Variants in ALPK2 observed in about 807,000 individuals in gnomAD.
ALPK2 encodes alpha kinase 2.
In ALPK2, 127 loss-of-function variants were observed where a neutral mutation model predicts 163.1. That is an observed-to-expected ratio of 0.78 (90% confidence interval 0.67 to 0.90). ALPK2 has a LOEUF of 0.90. Ranked by LOEUF, ALPK2 falls within the 40% of genes least tolerant of loss-of-function variation. ALPK2 has a pLI of 0.00. For synonymous variants in ALPK2, 953 were observed against 959.1 expected, an observed-to-expected ratio of 0.99 and a Z score of 0.12; for missense variants, 2,360 against 2,589.6, an observed-to-expected ratio of 0.91 and a Z score of 1.92.
chr18:58,611,996 TC>T (rs2052134941), intron 1 of ALPK2, among the ~76,000 whole-genome samples, 179 bp from the exon 2 acceptor site: 1 of 152,146 alleles, frequency 6.6e-6, no homozygotes, highest in African/African-American at 2.4e-5. Context: ...GTGGGCTGGA[TC>T]CTTCTGTATT....
In ALPK2 at chr18:58,610,387, G is replaced by A. The variant is rs944270278; in HGVS notation, c.109+1302C>T. 4.0e-5 allele frequency among the ~76,000 whole-genome samples: 6 copies of A among 149,288 alleles called. No homozygotes were observed. The East Asian group carries it at 1.2e-3, about 30-fold the overall frequency. ...AAGGGTAGAGACATAATCCAAAAAA[G>A]AAAAGAGAACCACCCATGAGGTACA... On this transcript the variant is annotated intron_variant, in intron 2 of 12. Coordinates refer to ENST00000361673, the MANE Select transcript of ALPK2 (RefSeq NM_052947.4).
chr18:58,572,618 C>T (rs11152085), intron 4 of ALPK2, among the ~76,000 whole-genome samples: 2 of 151,958 alleles, frequency 1.3e-5, no homozygotes, highest in Non-Finnish European at 2.9e-5. Context: ...AACTCAAAAA[C>T]TTGTATACTG....
chr18:58,509,848 G>A (rs2144118621), intron 10 of ALPK2, among the ~76,000 whole-genome samples: 1 of 151,458 alleles, frequency 6.6e-6, no homozygotes, highest in East Asian at 1.9e-4. Flanking sequence ...TGTTCACTCT[G>A]ATGGTAGTTT....
At chr18:58,596,641 C>T (rs916082365) in intron 3 of ALPK2, among the ~76,000 whole-genome samples, 3 of 152,212 alleles carry the variant, frequency 2.0e-5, no homozygotes, top group African/African-American at 7.2e-5. Context: ...CTCACCCAGT[C>T]CCCTAAGGAT....
intron 1 of ALPK2, among the ~76,000 whole-genome samples, chr18:58,617,924 G>A (rs2052178640): frequency 1.3e-5 from 2 of 152,180 alleles, no homozygotes; most frequent in African/African-American, 4.8e-5. Flanking sequence ...TAACTTGGCT[G>A]GAGTGTTTCA....
chr18:58,563,371 G>A (rs1342821620), intron 4 of ALPK2, among the ~76,000 whole-genome samples: 1 of 152,176 alleles, frequency 6.6e-6, no homozygotes, highest in Non-Finnish European at 1.5e-5. Context: ...AGCTCATGTT[G>A]TGAAACAGCT....
rs1245582625 is a variant in ALPK2, at chr18:58,579,488, T to A, written c.1288A>T (p.Thr430Ser). The change falls in exon 4 of 13, where the codon ACT becomes TCT. Residue 430 changes from threonine (T) to serine (S), a missense_variant. By Grantham distance (58) the Thr-to-Ser change is moderately conservative. Transcript: ENST00000361673. Reference protein sequence around the residue: ...HGPSSPQTGMTLILGPHQDGT... With the variant: ...HGPSSPQTGMSLILGPHQDGT... ...TCCTGGTGAGGTCCCAAAATGAGAG[T>A]CATCCCTGTTTGTGGGGATGAGGGA... 6.2e-7 allele frequency: 1 copy of A among 1,613,194 alleles called. No homozygotes were observed. Among genetic ancestry groups the A allele is most frequent in the Non-Finnish European group, 8.5e-7 (1 of 1,179,764 alleles).
chr18:58,597,752 A>T (rs1291894946), intron 3 of ALPK2, among the ~76,000 whole-genome samples: 1 of 152,136 alleles, frequency 6.6e-6, no homozygotes, highest in Non-Finnish European at 1.5e-5. Context: ...GTCCCCCACC[A>T]AGTCATATGT....
chr18:58,521,630 T>C (rs1259402618), intron 8 of ALPK2, among the ~76,000 whole-genome samples: 3 of 113,220 alleles, frequency 2.6e-5, no homozygotes, highest in South Asian at 6.1e-4. Flanking sequence ...TCTCTCTCTT[T>C]TTTTTTTTTT....
chr18:58,610,843 C>T (rs1484526519), intron 2 of ALPK2, among the ~76,000 whole-genome samples: 1 of 152,026 alleles, frequency 6.6e-6, no homozygotes, highest in Non-Finnish European at 1.5e-5. Flanking sequence ...GCCTGTAATC[C>T]CAGCACTTTG....
chr18:58,605,494 G>T (rs913483211), intron 3 of ALPK2, among the ~76,000 whole-genome samples: 1 of 152,194 alleles, frequency 6.6e-6, no homozygotes, highest in African/African-American at 2.4e-5. Context: ...GGGGATGTTT[G>T]TGTGAATCAG....
chr18:58,527,397 T>C (rs560349871), intron 6 of ALPK2, among the ~76,000 whole-genome samples: 43 of 152,326 alleles, frequency 2.8e-4, no homozygotes, highest in Admixed American at 2.5e-3. Flanking sequence ...AGCCAGACAC[T>C]GTCACCAAGG....
At chr18:58,590,207 G>A (rs908650239) in intron 3 of ALPK2, among the ~76,000 whole-genome samples, 2 of 138,636 alleles carry the variant, frequency 1.4e-5, no homozygotes, top group East Asian at 2.1e-4. Context: ...GCGACAGAGC[G>A]AGGCTCCATC....
At chr18:58,546,673 C>T (rs1212959252) in intron 4 of ALPK2, among the ~76,000 whole-genome samples, 1 of 152,080 alleles carries the variant, frequency 6.6e-6, no homozygotes, top group African/African-American at 2.4e-5. Flanking sequence ...ACCAACTATT[C>T]CAACACAGGC....
rs1000661196 is a variant in ALPK2 at position 58,524,160 on chromosome 18, C to A, written c.5502-98G>T. 7.5e-6 allele frequency: 11 copies of A among 1,474,376 alleles called. No homozygotes were observed. In the South Asian group the frequency reaches 1.5e-4, roughly 21 times the overall value. 91.3% of individuals were successfully genotyped at this position (1,474,376 alleles called of 1,614,324 possible). A position where few individuals can be genotyped will look rare whatever the true frequency, so the allele number is the denominator to read the frequency against. The stretch of plus-strand genomic sequence containing the variant: ...AGAAAGAAGCTAAGACTTCCCTGCT[C>A]ACATGTTTTCAGCCAGTGAGCTGCC... On this transcript the variant is annotated intron_variant, in intron 6 of 12. Coordinates refer to ENST00000361673, the MANE Select transcript of ALPK2 (RefSeq NM_052947.4).
intron 12 of ALPK2, among the ~76,000 whole-genome samples, chr18:58,489,112 C>T (rs1466138531): frequency 1.3e-5 from 2 of 152,174 alleles, no homozygotes; most frequent in African/African-American, 4.8e-5. Flanking sequence ...GCCATTTTCA[C>T]ACTGCCGAGC....
chr18:58,514,978 G>GAA lies in ALPK2; in HGVS notation c.6029+14_6029+15insTT, dbSNP rs1395822186. The GAA allele has an allele frequency of 4.4e-6, 7 of 1,604,338 alleles. No individual in the cohort carries two copies. Among genetic ancestry groups the GAA allele is most frequent in the Non-Finnish European group, 5.1e-6 (6 of 1,173,708 alleles). On this transcript the variant is annotated intron_variant, in intron 10 of 12. Transcript: ENST00000361673. ...GAGTCAGGAGTGTGACACAAGGCAG[G>GAA]GTAAACACACTTACTCAGGTACTTC... is the stretch of plus-strand genomic sequence containing the variant.
At chr18:58,567,341 G>A (rs1000604724) in intron 4 of ALPK2, among the ~76,000 whole-genome samples, 6 of 151,972 alleles carry the variant, frequency 3.9e-5, no homozygotes, top group Non-Finnish European at 5.9e-5. Flanking sequence ...CCGAGATTGC[G>A]CCACTGCAGT....
chr18:58,624,384 G>A (rs1384131838), intron 1 of ALPK2, among the ~76,000 whole-genome samples: 1 of 152,106 alleles, frequency 6.6e-6, no homozygotes. Context: ...CAAAGTCCTG[G>A]ACTCTTCCAT....
Sources: allele counts gnomAD v4.1 joint callset (sites outside exome capture counted in the v4.1 genomes callset), GRCh38; gene constraint gnomAD v4.1.1; transcripts MANE v1.5; gene names NCBI Gene and HGNC (gene_info 2026-07-23, HGNC 2026-07-21).